Variants in IL6ST observed in about 807,000 individuals in gnomAD.
The protein encoded by IL6ST is interleukin-6 receptor subunit beta.
Under a neutral mutation model 91.3 loss-of-function variants are expected in IL6ST, and 24 were observed. That is an observed-to-expected ratio of 0.26 (90% CI 0.19 to 0.37). The LOEUF (loss-of-function observed/expected upper bound fraction) is 0.37. Among genes scored for constraint, IL6ST ranks in the 10% least tolerant of loss-of-function variants. The pLI, the probability that IL6ST is intolerant of heterozygous loss-of-function variation, is 1.00. For synonymous variants in IL6ST, 351 were observed against 373.6 expected, an observed-to-expected ratio of 0.94 and a Z score of 0.70; for missense variants, 914 against 1,078.5, an observed-to-expected ratio of 0.85 and a Z score of 2.14.
chr5:55,988,212 A>C (rs1330016100), intron 1 of IL6ST, among the ~76,000 whole-genome samples: 2 of 152,140 alleles, frequency 1.3e-5, no homozygotes, highest in Non-Finnish European at 2.9e-5. Flanking sequence ...CGTTCCTATT[A>C]ATGTCAAGAT....
chr5:55,968,074 G>C (rs930690745), intron 5 of IL6ST, among the ~76,000 whole-genome samples: 1 of 152,136 alleles, frequency 6.6e-6, no homozygotes. Flanking sequence ...TGGAGTTACA[G>C]GCATGGGCCG....
chr5:55,945,837 A>C (rs1434432324), intron 15 of IL6ST, among the ~76,000 whole-genome samples: 1 of 151,560 alleles, frequency 6.6e-6, no homozygotes, highest in Non-Finnish European at 1.5e-5. Context: ...TTTTTAGTAG[A>C]GATGTTAGCC....
intron 8 of IL6ST, among the ~76,000 whole-genome samples, chr5:55,960,048 G>A (rs1486865931): frequency 6.6e-6 from 1 of 151,996 alleles, no homozygotes; most frequent in African/African-American, 2.4e-5. Context: ...ACCACGCCCG[G>A]CTAATTTTTG....
chr5:55,969,290 C>G (rs951711857), intron 4 of IL6ST, among the ~76,000 whole-genome samples: 1 of 152,104 alleles, frequency 6.6e-6, no homozygotes, highest in Non-Finnish European at 1.5e-5. Context: ...GAATTACCAT[C>G]ATTATGTCAA....
chr5:55,959,695 A>T (rs529092729), intron 8 of IL6ST: 1 of 1,216,894 alleles, frequency 8.2e-7, no homozygotes, highest in Non-Finnish European at 1.1e-6. Flanking sequence ...AATGAATAAA[A>T]GGTATAATAC....
chr5:55,960,609 T>G, intron 7 of IL6ST, 48 bp from the exon 8 acceptor site: 1 of 1,553,298 alleles, frequency 6.4e-7, no homozygotes, highest in Non-Finnish European at 8.7e-7. Flanking sequence ...TAGTAAGGTC[T>G]TCTAAATTGT....
chr5:55,979,576 C>T lies in IL6ST; in HGVS notation c.-16+3148G>A, dbSNP rs116626656. On this transcript the variant is annotated intron_variant, in intron 2 of 16. Coordinates refer to ENST00000381298, the MANE Select transcript of IL6ST (RefSeq NM_002184.4). Reference sequence around the variant, plus strand: ...AACAGGGTGTTGTGAGACTAAGCAACGAAAGTATCGTCACACACTACAGGT... The same window carrying T: ...AACAGGGTGTTGTGAGACTAAGCAATGAAAGTATCGTCACACACTACAGGT... 4.2e-3 allele frequency among the ~76,000 whole-genome samples: 646 copies of T among 152,200 alleles called. 9 individuals carry two copies. The highest frequency in any genetic ancestry group is 0.015 in the African/African-American group (632 of 41,520).
At position 55,935,315 on chromosome 5, in the gene IL6ST, C is replaced by T. The variant is rs879182026; in HGVS notation, c.*5767G>A. On this transcript the variant is annotated 3_prime_UTR_variant, in exon 17 of 17. Coordinates refer to ENST00000381298, the MANE Select transcript of IL6ST (RefSeq NM_002184.4). ...ATGTAAAATGACATAACCATAGTCA[C>T]AGGGAATAAAGAATCAGGTTTGAAT... The T allele has an allele frequency of 5.1e-6, 1 of 196,500 alleles. No homozygotes were observed. The highest frequency in any genetic ancestry group is 1.9e-4 in the South Asian group (1 of 5,206). The allele number at this position is 196,500 out of a possible 1,614,324, so 12.2% of individuals were successfully genotyped here. A position where few individuals can be genotyped will look rare whatever the true frequency, so the allele number is the denominator to read the frequency against.
At chr5:55,946,513 G>A (rs1448656059) in intron 15 of IL6ST, among the ~76,000 whole-genome samples, 2 of 152,120 alleles carry the variant, frequency 1.3e-5, no homozygotes, top group Admixed American at 6.6e-5. Context: ...ATACTGTTCA[G>A]CAATAAAAAG....
intron 14 of IL6ST, among the ~76,000 whole-genome samples, chr5:55,948,594 A>ATG (rs893365973): frequency 1.3e-5 from 2 of 151,892 alleles, no homozygotes; most frequent in African/African-American, 4.8e-5. Flanking sequence ...ATATTGATAT[A>ATG]TGTGTGTATA....
chr5:55,943,181 G>C (rs1435763049), intron 15 of IL6ST, among the ~76,000 whole-genome samples: 1 of 152,132 alleles, frequency 6.6e-6, no homozygotes, highest in Non-Finnish European at 1.5e-5. Flanking sequence ...GCTTCAAAGA[G>C]TGAGAGCCTA....
chr5:55,991,055 C>G (rs143277288), intron 1 of IL6ST, among the ~76,000 whole-genome samples: 2,713 of 152,292 alleles, frequency 0.018, 32 homozygotes, highest in South Asian at 0.091. Context: ...CATGTCCCTA[C>G]AAAGGACATG....
chr5:55,941,066 A>G lies in IL6ST; in HGVS notation c.*16T>C. 1 of 1,579,208 alleles carries G rather than the reference A, an allele frequency of 6.3e-7. No homozygotes were observed. The highest frequency in any genetic ancestry group is 8.6e-7 in the Non-Finnish European group (1 of 1,163,206). On this transcript the variant is annotated 3_prime_UTR_variant, in exon 17 of 17. Coordinates refer to ENST00000381298, the MANE Select transcript of IL6ST (RefSeq NM_002184.4). ...TTATAGGTACTGCTGAAGTTGTAGC[A>G]GGAACTACTAGTCCTTCACTGAGGC...
Position 55,976,282 on chromosome 5 carries a change from G to C in IL6ST, c.-4C>G, listed in dbSNP as rs1020607758. 6.3e-7 allele frequency: 1 copy of C among 1,578,114 alleles called. No homozygotes were observed. Among genetic ancestry groups the C allele is most frequent in the Non-Finnish European group, 8.6e-7 (1 of 1,160,638 alleles). ...GCCAAGTCTGCAACGTCAACATCTT[G>C]CGCGGATATTTCTGCAACAGACACA... On this transcript the variant is annotated 5_prime_UTR_variant, in exon 3 of 17. Coordinates refer to ENST00000381298, the MANE Select transcript of IL6ST (RefSeq NM_002184.4).
intron 11 of IL6ST, among the ~76,000 whole-genome samples, chr5:55,952,731 C>T: frequency 6.6e-6 from 1 of 152,092 alleles, no homozygotes; most frequent in East Asian, 1.9e-4. Flanking sequence ...AAAGCACTAA[C>T]GGTCCTAGTT....
intron 14 of IL6ST, among the ~76,000 whole-genome samples, chr5:55,948,351 T>C (rs988269918): frequency 2.0e-5 from 3 of 152,158 alleles, no homozygotes; most frequent in Admixed American, 2.0e-4. Context: ...CTTAGTCTTT[T>C]ACAGTAAAAA....
rs1580781115 is a variant in IL6ST at position 55,941,917 on chromosome 5, T to C, written c.2020-98A>G. Reference sequence around the variant, plus strand: ...CCAGTAACTCTCAGTGGTACAGAAATAACCTGTATTATGTCACTAAGTCAC... The same window carrying C: ...CCAGTAACTCTCAGTGGTACAGAAACAACCTGTATTATGTCACTAAGTCAC... On this transcript the variant is annotated intron_variant, in intron 16 of 16. Transcript: ENST00000381298. 3.0e-6 allele frequency: 3 copies of C among 996,756 alleles called. No homozygotes were observed. The East Asian group carries it at 7.2e-5, about 24-fold the overall frequency. 61.7% of individuals were successfully genotyped at this position (996,756 alleles called of 1,614,324 possible).
Position 55,940,647 on chromosome 5 carries a change from T to G in IL6ST, c.*435A>C, listed in dbSNP as rs577285060. On this transcript the variant is annotated 3_prime_UTR_variant, in exon 17 of 17. Transcript: ENST00000381298. ...ATTTTAGCAGAAGTAGATGATGGTC[T>G]ACACCTTGCTCCTCTTTTATATTAA... The G allele has an allele frequency of 4.5e-6, 1 of 223,704 alleles. No homozygotes were observed. Among genetic ancestry groups the G allele is most frequent in the Non-Finnish European group, 8.9e-6 (1 of 111,836 alleles). The allele number at this position is 223,704 out of a possible 1,614,324, so 13.9% of individuals were successfully genotyped here. A position where few individuals can be genotyped will look rare whatever the true frequency, so the allele number is the denominator to read the frequency against.
intron 5 of IL6ST, among the ~76,000 whole-genome samples, chr5:55,967,977 G>T (rs2111800444): frequency 6.6e-6 from 1 of 151,806 alleles, no homozygotes; most frequent in African/African-American, 2.4e-5. Flanking sequence ...TGTAGTTTTG[G>T]TAGAGACAGG....
Sources: gnomAD v4.1 joint callset for allele counts (sites outside exome capture counted in the v4.1 genomes callset) on GRCh38, gnomAD v4.1.1 for gene constraint, MANE v1.5 for transcripts, NCBI Gene and HGNC (gene_info 2026-07-23, HGNC 2026-07-21) for gene names.